Variants in TRPC5 observed in about 807,000 individuals in gnomAD.
TRPC5 encodes transient receptor potential cation channel subfamily C member 5, also known as short transient receptor potential channel 5.
A neutral mutation model predicts 56.5 loss-of-function variants in TRPC5; 9 were observed. The observed-to-expected ratio is 0.16, with a 90% confidence interval of 0.10 to 0.28. TRPC5 has a LOEUF of 0.28. Ranked by LOEUF, TRPC5 falls within the 10% of genes least tolerant of loss-of-function variation. The pLI is 1.00. For synonymous variants in TRPC5, 282 were observed against 278.5 expected (o/e 1.01, Z -0.13); for missense variants, 469 against 748.9 (o/e 0.63, Z 4.36).
At chrX:111,863,044 A>G in intron 3 of TRPC5, among the ~76,000 whole-genome samples, 1 of 112,141 alleles carries the variant, frequency 8.9e-6, no homozygotes, top group Middle Eastern at 4.6e-3. Flanking sequence ...TTATAGATCT[A>G]ATTGGCTTTT....
intron 1 of TRPC5, among the ~76,000 whole-genome samples, chrX:112,051,523 A>G (rs1053979022): frequency 8.9e-6 from 1 of 111,996 alleles, no homozygotes; most frequent in African/African-American, 3.2e-5. Flanking sequence ...AGTTGATGAA[A>G]GTGAACACAA....
At chrX:112,040,165 T>G (rs979535867) in intron 1 of TRPC5, among the ~76,000 whole-genome samples, 1 of 112,045 alleles carries the variant, frequency 8.9e-6, no homozygotes, top group African/African-American at 3.2e-5. Context: ...ACCTTCCTTT[T>G]GGGTTGTGGG....
chrX:112,077,578 C>T (rs1051609216), intron 1 of TRPC5, among the ~76,000 whole-genome samples: 2 of 111,339 alleles, frequency 1.8e-5, no homozygotes, highest in African/African-American at 6.5e-5. Context: ...GGTGGCAATC[C>T]TGGTGTGGGG....
rs60801948 is a variant in TRPC5, at chrX:112,010,733, C to T, written c.-21-58292G>A. ...CTCCATTATAGTCTTATGTGACCAA[C>T]GCCATATATGTGGTCTATCCTTGAC... On this transcript the variant is annotated intron_variant, in intron 1 of 10. Transcript: ENST00000262839. Among the ~76,000 whole-genome samples, 1,105 of 111,932 alleles carry T rather than the reference C, an allele frequency of 9.9e-3. 12 individuals are homozygous for T. The highest frequency in any genetic ancestry group is 0.034 in the African/African-American group (1,038 of 30,817).
chrX:112,024,728 T>G (rs1029659372), intron 1 of TRPC5, among the ~76,000 whole-genome samples: 1 of 111,824 alleles, frequency 8.9e-6, no homozygotes. Flanking sequence ...AAAGAAAGTC[T>G]CAAGCAGTCT....
At chrX:111,893,376 A>G (rs1460284585) in intron 3 of TRPC5, among the ~76,000 whole-genome samples, 1 of 111,839 alleles carries the variant, frequency 8.9e-6, no homozygotes, top group Non-Finnish European at 1.9e-5. Context: ...CATAGCAGCC[A>G]AGCCTCAAGG....
intron 3 of TRPC5, among the ~76,000 whole-genome samples, chrX:111,880,365 GTGT>G (rs1924152388): frequency 8.9e-6 from 1 of 112,514 alleles, no homozygotes; most frequent in African/African-American, 3.2e-5. Flanking sequence ...ATGAATGAAT[GTGT>G]TAACTTTCTA....
intron 3 of TRPC5, among the ~76,000 whole-genome samples, chrX:111,857,683 T>G (rs1923280710): frequency 8.9e-6 from 1 of 112,512 alleles, no homozygotes; most frequent in South Asian, 3.7e-4. Context: ...CAGTGCAAAC[T>G]CAGCCATAGA....
At chrX:111,807,968 G>C (rs1921573146) in intron 7 of TRPC5, among the ~76,000 whole-genome samples, 2 of 109,390 alleles carry the variant, frequency 1.8e-5, no homozygotes, top group South Asian at 7.9e-4. Flanking sequence ...GTGTGTGTGT[G>C]TGTGTGTGTG....
intron 1 of TRPC5, among the ~76,000 whole-genome samples, chrX:112,054,905 G>C (rs768968933): frequency 4.1e-4 from 46 of 110,985 alleles, no homozygotes; most frequent in African/African-American, 1.5e-3. Flanking sequence ...GTTACCATAG[G>C]ACAGGATATG....
intron 7 of TRPC5, among the ~76,000 whole-genome samples, chrX:111,790,078 T>C (rs1946006234): frequency 8.9e-6 from 1 of 112,141 alleles, no homozygotes; most frequent in Admixed American, 9.5e-5. Flanking sequence ...CAAAGGATTA[T>C]AAATCATGCT....
intron 1 of TRPC5, among the ~76,000 whole-genome samples, chrX:112,020,879 A>G (rs1929255178): frequency 9.2e-6 from 1 of 108,332 alleles, no homozygotes; most frequent in South Asian, 4.2e-4. Context: ...ATAATCAATA[A>G]TCTGACTGCA....
At chrX:111,979,161 A>T (rs1928010214) in intron 1 of TRPC5, among the ~76,000 whole-genome samples, 1 of 111,660 alleles carries the variant, frequency 9.0e-6, no homozygotes, top group Non-Finnish European at 1.9e-5. Context: ...AGAGTCCAGT[A>T]GTATGCCTAC....
At chrX:112,034,330 T>G (rs981564324) in intron 1 of TRPC5, among the ~76,000 whole-genome samples, 3 of 109,057 alleles carry the variant, frequency 2.8e-5, no homozygotes, top group Non-Finnish European at 5.7e-5. Flanking sequence ...TTTTTTTTTT[T>G]AGTTTTTGGT....
intron 1 of TRPC5, among the ~76,000 whole-genome samples, chrX:112,018,595 G>A: frequency 8.9e-6 from 1 of 112,543 alleles, no homozygotes; most frequent in East Asian, 2.8e-4. Flanking sequence ...GAAAAGTGGG[G>A]AAGCCAAGAG....
chrX:111,951,550 T>C (rs1927086117), intron 2 of TRPC5, among the ~76,000 whole-genome samples: 1 of 111,652 alleles, frequency 9.0e-6, no homozygotes, highest in East Asian at 2.8e-4. Flanking sequence ...ATGAAGTCAC[T>C]TGACAGGTAC....
rs747368106 is a variant in TRPC5, at chrX:111,781,199, T to C, written c.2108A>G (p.Asn703Ser). The C allele has an allele frequency of 1.7e-6, 2 of 1,209,575 alleles. No homozygotes were observed. Among genetic ancestry groups the C allele is most frequent in the South Asian group, 1.8e-5 (1 of 56,908 alleles). ...TTGATTTTGTATCAGGCTGTCAGCA[T>C]TGCGTTCCTATAATTGAAAATAGAC... The part of the protein sequence containing the change: ...RRNLRSFTER[N>S]ADSLIQNQHY... Residue 703 changes from asparagine (N) to serine (S), a missense_variant, in exon 9 of 11, where the codon AAT becomes AGT. This residue lies in a region of TRPC5 where 194 missense variants were observed against 221.8 expected (regional missense o/e 0.87). Coordinates refer to ENST00000262839, the MANE Select transcript of TRPC5 (RefSeq NM_012471.3).
chrX:111,974,274 C>T (rs182316287), intron 1 of TRPC5, among the ~76,000 whole-genome samples: 26 of 111,344 alleles, frequency 2.3e-4, no homozygotes, highest in African/African-American at 7.8e-4. Flanking sequence ...GGAGAGGGAA[C>T]TGAAGCAGAG....
Position 111,774,026 on chromosome X carries a change from T to C in TRPC5, c.*2287A>G, listed in dbSNP as rs1945859429. 8.9e-6 allele frequency among the ~76,000 whole-genome samples: 1 copy of C among 111,798 alleles called. No individual in the cohort carries two copies. The highest frequency in any genetic ancestry group is 2.8e-4 in the East Asian group (1 of 3,559). On this transcript the variant is annotated 3_prime_UTR_variant, in exon 11 of 11. Coordinates refer to ENST00000262839, the MANE Select transcript of TRPC5 (RefSeq NM_012471.3). ...AGGCTTCACTATAGCTAGTAAAGTC[T>C]TAAGCCCAAGTCACAACGATAACCC...
Sources: gnomAD v4.1 joint callset for allele counts (sites outside exome capture counted in the v4.1 genomes callset) on GRCh38, gnomAD v4.1.1 for gene constraint, gnomAD v4.1.1 regional missense constraint, MANE v1.5 for transcripts, NCBI Gene and HGNC (gene_info 2026-07-23, HGNC 2026-07-21) for gene names.